Variants in YTHDF3 observed in about 807,000 individuals in gnomAD.
YTHDF3 encodes YTH domain-containing family protein 3.
In YTHDF3, 9 loss-of-function variants were observed where a neutral mutation model predicts 52.5. The observed-to-expected ratio is 0.17, with a 90% CI of 0.10 to 0.30. YTHDF3 has a LOEUF of 0.30. YTHDF3 is among the 10% of genes least tolerant of loss of function. YTHDF3 has a pLI of 1.00. For synonymous variants in YTHDF3, 274 were observed against 243.3 expected (o/e 1.13, Z -1.18); for missense variants, 534 against 715.0 (o/e 0.75, Z 2.89).
At chr8:63,173,035 T>A (rs896402467) in intron 2 of YTHDF3, among the ~76,000 whole-genome samples, 5 of 152,060 alleles carry the variant, frequency 3.3e-5, no homozygotes, top group African/African-American at 9.7e-5. Context: ...AAACATTTTT[T>A]AAAGTAGATT....
chr8:63,201,947 A>G (rs1369641705), intron 4 of YTHDF3, among the ~76,000 whole-genome samples: 1 of 152,192 alleles, frequency 6.6e-6, no homozygotes, highest in Non-Finnish European at 1.5e-5. Flanking sequence ...CTCCCAGCAC[A>G]CATCTTGTAT....
chr8:63,172,520 T>A (rs1471883953), intron 2 of YTHDF3: 1 of 378,538 alleles, frequency 2.6e-6, no homozygotes, highest in African/African-American at 2.1e-5. Flanking sequence ...TATTCTGTTG[T>A]ATTCTCTCCT....
At chr8:63,169,979 GAGA>G (rs1807185264) in intron 2 of YTHDF3, among the ~76,000 whole-genome samples, 1 of 152,126 alleles carries the variant, frequency 6.6e-6, no homozygotes, top group South Asian at 2.1e-4. Flanking sequence ...ATAAAGGGCT[GAGA>G]AGAAAATAGT....
rs1290925370 is a variant in YTHDF3, at chr8:63,187,594, C to T, written c.1583C>T (p.Pro528Leu). Residue 528 changes from proline (P) to leucine (L), a missense_variant, in exon 4 of 5, where the codon CCG becomes CTG. By Grantham distance (98) the Pro-to-Leu change is moderately conservative (BLOSUM62 -3). This residue lies in a region of YTHDF3 where 135 missense variants were observed against 214.2 expected (regional missense o/e 0.63). Transcript: ENST00000539294. ...HIRLENNDNK[P>L]VTNSRDTQEV... ...CGCTTAGAAAATAATGACAACAAACCGGTTACCAATTCAAGGGACACTCAA... is the reference window on the plus strand; with the variant it reads ...CGCTTAGAAAATAATGACAACAAACTGGTTACCAATTCAAGGGACACTCAA... 1.9e-6 allele frequency: 3 copies of T among 1,613,268 alleles called. No individual in the cohort carries two copies. Among genetic ancestry groups the T allele is most frequent in the Non-Finnish European group, 1.7e-6 (2 of 1,179,574 alleles).
chr8:63,192,144 TC>T (rs1808953146), intron 4 of YTHDF3, among the ~76,000 whole-genome samples: 1 of 152,200 alleles, frequency 6.6e-6, no homozygotes, highest in Non-Finnish European at 1.5e-5. Context: ...CTTTTGTTTT[TC>T]CATGCTTCCC....
intron 2 of YTHDF3, 99 bp from the exon 3 acceptor site, chr8:63,175,232 T>C: frequency 1.2e-6 from 1 of 821,390 alleles, no homozygotes; most frequent in East Asian, 2.7e-5. Context: ...TTATTTTTTC[T>C]GATTACTTTT....
At position 63,209,801 on chromosome 8, in the gene YTHDF3, G is replaced by T; in HGVS notation, c.*95G>T. On this transcript the variant is annotated 3_prime_UTR_variant, in exon 5 of 5. Transcript: ENST00000539294. Reference sequence around the variant, plus strand: ...AGAAGACGTATTAAAGCTCTTTTCTGCTTAAGGTGACATCTTTGAACACTT... The same window carrying T: ...AGAAGACGTATTAAAGCTCTTTTCTTCTTAAGGTGACATCTTTGAACACTT... 1 of 1,275,504 alleles carries T rather than the reference G, an allele frequency of 7.8e-7. No individual in the cohort carries two copies. 79.0% of individuals were successfully genotyped at this position (1,275,504 alleles called of 1,614,324 possible). A position where few individuals can be genotyped will look rare whatever the true frequency, so the allele number is the denominator to read the frequency against.
intron 4 of YTHDF3, 151 bp from the exon 5 acceptor site, chr8:63,209,532 G>C: frequency 1.4e-6 from 1 of 721,866 alleles, no homozygotes; most frequent in Non-Finnish European, 2.2e-6. Flanking sequence ...GGTATATAGA[G>C]GTAATTATCA....
chr8:63,189,431 G>C (rs932662732), intron 4 of YTHDF3, among the ~76,000 whole-genome samples: 3 of 152,218 alleles, frequency 2.0e-5, no homozygotes, highest in Non-Finnish European at 4.4e-5. Context: ...TAGGGGTAAA[G>C]TTAGAAGCTC....
At chr8:63,185,957 A>G (rs1276624302) in intron 3 of YTHDF3, among the ~76,000 whole-genome samples, 190 bp from the exon 4 acceptor site, 1 of 152,252 alleles carries the variant, frequency 6.6e-6, no homozygotes, top group Non-Finnish European at 1.5e-5. Flanking sequence ...AAATATTTTA[A>G]GATGTGACTA....
chr8:63,193,374 CA>C (rs758787473), intron 4 of YTHDF3, among the ~76,000 whole-genome samples: 4,440 of 54,074 alleles, frequency 0.082, 24 homozygotes, highest in Non-Finnish European at 0.11. Flanking sequence ...AGACTCCGTC[CA>C]AAAAAAAAAA....
In YTHDF3 at chr8:63,168,779, G is replaced by A. The variant is rs1351630274; in HGVS notation, c.-99G>A. ...CGAACGGCGGCAGCGGCGGCGGCTG[G>A]AACAATCACTCGGCCAAGGGCGACA... On this transcript the variant is annotated 5_prime_UTR_variant, in exon 1 of 5. Coordinates refer to ENST00000539294, the MANE Select transcript of YTHDF3 (RefSeq NM_152758.6). 6.5e-7 allele frequency: 1 copy of A among 1,546,598 alleles called. No homozygotes were observed. The highest frequency in any genetic ancestry group is 8.7e-7 in the Non-Finnish European group (1 of 1,144,868).
At chr8:63,174,313 G>A (rs1025529494) in intron 2 of YTHDF3, among the ~76,000 whole-genome samples, 1 of 152,148 alleles carries the variant, frequency 6.6e-6, no homozygotes, top group Non-Finnish European at 1.5e-5. Context: ...TATTAGCTTA[G>A]TAACACTTCT....
intron 4 of YTHDF3, among the ~76,000 whole-genome samples, chr8:63,197,196 T>TA (rs1179453021): frequency 6.6e-6 from 1 of 152,244 alleles, no homozygotes; most frequent in Admixed American, 6.5e-5. Context: ...GCTGAATCCC[T>TA]AGCACCTAGA....
intron 4 of YTHDF3, among the ~76,000 whole-genome samples, chr8:63,195,957 A>G (rs1044044609): frequency 3.3e-5 from 5 of 151,998 alleles, no homozygotes; most frequent in Middle Eastern, 3.2e-3. Flanking sequence ...ATGCGCCACC[A>G]TGCCCATCTA....
At chr8:63,188,749 TG>T (rs1235867164) in intron 4 of YTHDF3, 1 of 134,788 alleles carries the variant, frequency 7.4e-6, no homozygotes, top group Admixed American at 8.1e-5. Flanking sequence ...AGTCGCTCTC[TG>T]TCGCCCAGGC....
At position 63,187,564 on chromosome 8, in the gene YTHDF3, A is replaced by G; in HGVS notation, c.1553A>G (p.His518Arg). The change falls in exon 4 of 5, where the codon CAT becomes CGT. Residue 518 changes from histidine (H) to arginine (R), a missense_variant. Around this residue, in one of 3 missense-constraint regions of YTHDF3, gnomAD observed 135 missense variants for 214.2 expected, o/e 0.63. Transcript: ENST00000539294. Reference protein sequence around the residue: ...VKDVPNNQLRHIRLENNDNKP... With the variant: ...VKDVPNNQLRRIRLENNDNKP... ...GATGTTCCCAATAACCAATTACGGC[A>G]TATTCGCTTAGAAAATAATGACAAC... The G allele has an allele frequency of 6.2e-7, 1 of 1,613,920 alleles. No individual in the cohort carries two copies. Among genetic ancestry groups the G allele is most frequent in the Non-Finnish European group, 8.5e-7 (1 of 1,179,848 alleles).
chr8:63,178,427 G>A (rs536025675), intron 3 of YTHDF3, among the ~76,000 whole-genome samples: 1 of 152,084 alleles, frequency 6.6e-6, no homozygotes, highest in Non-Finnish European at 1.5e-5. Flanking sequence ...CTTTTTAAAA[G>A]ATGTAAAGGC....
Position 63,212,287 on chromosome 8 carries a change from T to C in YTHDF3, c.*2581T>C, listed in dbSNP as rs1318714926. ...AGTATTTCTCTATACGTATTGGTAC[T>C]TGAAGATTCCTTTCAAAAGAAATCC... On this transcript the variant is annotated 3_prime_UTR_variant, in exon 5 of 5. Transcript: ENST00000539294. 1.3e-5 allele frequency: 2 copies of C among 152,656 alleles called. No individual in the cohort carries two copies. The highest frequency in any genetic ancestry group is 2.9e-5 in the Non-Finnish European group (2 of 68,020). 9.5% of individuals were successfully genotyped at this position (152,656 alleles called of 1,614,324 possible).
Sources: gnomAD v4.1 joint callset for allele counts (sites outside exome capture counted in the v4.1 genomes callset) on GRCh38, gnomAD v4.1.1 for gene constraint, gnomAD v4.1.1 regional missense constraint, MANE v1.5 for transcripts, NCBI Gene and HGNC (gene_info 2026-07-23, HGNC 2026-07-21) for gene names.